Variants in MYO16 observed in about 807,000 individuals in gnomAD.
MYO16 encodes the protein myosin XVI, also known as unconventional myosin-XVI.
MYO16 carries 94 observed loss-of-function variants against 205.3 expected under a neutral mutation model. The ratio of observed to expected loss-of-function variants is 0.46; its 90% CI spans 0.39 to 0.54. The LOEUF (loss-of-function observed/expected upper bound fraction) is 0.54, where lower values mean the gene tolerates loss of function less well. MYO16 is among the 20% of genes least tolerant of loss of function. The pLI, the probability that MYO16 is intolerant of heterozygous loss-of-function variation, is 0.00. For synonymous variants in MYO16, 988 were observed against 954.0 expected (o/e 1.04, Z -0.66); for missense variants, 2,315 against 2,387.5 (o/e 0.97, Z 0.63).
chr13:108,617,863 TTG>T (rs1555332453), intron 1 of MYO16, among the ~76,000 whole-genome samples: 1 of 152,076 alleles, frequency 6.6e-6, no homozygotes, highest in Non-Finnish European at 1.5e-5. Flanking sequence ...AGATAATCGA[TTG>T]TCTTTCCCTT....
At chr13:108,947,543 G>A (rs1882984835) in intron 16 of MYO16, among the ~76,000 whole-genome samples, 1 of 152,182 alleles carries the variant, frequency 6.6e-6, no homozygotes, top group Non-Finnish European at 1.5e-5. Flanking sequence ...TTCACTCACT[G>A]AAATATCAGC....
At chr13:109,010,533 CT>C (rs1310191669) in intron 22 of MYO16, among the ~76,000 whole-genome samples, 17 of 152,254 alleles carry the variant, frequency 1.1e-4, no homozygotes, top group South Asian at 2.1e-4. Flanking sequence ...CTCCTTTATA[CT>C]GATTTGGGGC....
intron 4 of MYO16, among the ~76,000 whole-genome samples, chr13:108,782,706 G>A (rs1435849034): frequency 6.6e-6 from 1 of 152,118 alleles, no homozygotes; most frequent in Non-Finnish European, 1.5e-5. Flanking sequence ...TCCCCGTGCT[G>A]TTTGCAGCCT....
chr13:109,176,821 C>T (rs1362012712), intron 33 of MYO16, among the ~76,000 whole-genome samples: 1 of 151,844 alleles, frequency 6.6e-6, no homozygotes, highest in African/African-American at 2.4e-5. Context: ...TCCCCGCTGT[C>T]CTCACCTGGC....
chr13:109,065,389 C>A (rs1887713802), intron 27 of MYO16, among the ~76,000 whole-genome samples: 1 of 151,972 alleles, frequency 6.6e-6, no homozygotes, highest in South Asian at 2.1e-4. Flanking sequence ...CCTTCCACAG[C>A]CATGTCTATA....
intron 4 of MYO16, among the ~76,000 whole-genome samples, chr13:108,733,729 G>A (rs1884598846): frequency 6.6e-6 from 1 of 152,194 alleles, no homozygotes. Context: ...TTGGGAGGCC[G>A]AGGTGGGCAG....
chr13:108,833,878 C>T (rs1334050048), intron 9 of MYO16, among the ~76,000 whole-genome samples: 1 of 151,970 alleles, frequency 6.6e-6, no homozygotes, highest in East Asian at 1.9e-4. Context: ...TTGGATGGTA[C>T]TGATTTTCTT....
chr13:109,128,403 G>A (rs922144170), intron 31 of MYO16, among the ~76,000 whole-genome samples: 1 of 151,992 alleles, frequency 6.6e-6, no homozygotes, highest in Non-Finnish European at 1.5e-5. Context: ...GAAACGGCTG[G>A]GTAGAACTCG....
chr13:108,591,960 G>T (rs923717964), upstream of MYO16, among the ~76,000 whole-genome samples: 9 of 151,550 alleles, frequency 5.9e-5, no homozygotes, highest in Admixed American at 4.6e-4. Flanking sequence ...GCCAATATTT[G>T]CACTCTATGA....
intron 23 of MYO16, among the ~76,000 whole-genome samples, chr13:109,046,596 A>C (rs925956011): frequency 2.0e-5 from 3 of 152,238 alleles, no homozygotes; most frequent in African/African-American, 7.2e-5. Flanking sequence ...TACTTGGTTT[A>C]GTGAGTTTTC....
chr13:108,801,914 T>A (rs1233617457), intron 6 of MYO16, among the ~76,000 whole-genome samples: 1 of 152,234 alleles, frequency 6.6e-6, no homozygotes, highest in Non-Finnish European at 1.5e-5. Context: ...TGTATTTGAA[T>A]AAAATAAATT....
At chr13:108,767,899 A>C (rs1408159386) in intron 4 of MYO16, among the ~76,000 whole-genome samples, 4 of 152,140 alleles carry the variant, frequency 2.6e-5, no homozygotes, top group Non-Finnish European at 5.9e-5. Context: ...TTCCCTTACC[A>C]CTGTTTTATT....
At chr13:108,613,428 T>G (rs1190278425) in intron 1 of MYO16, among the ~76,000 whole-genome samples, 1 of 152,156 alleles carries the variant, frequency 6.6e-6, no homozygotes, top group African/African-American at 2.4e-5. Context: ...GTTATGTTCA[T>G]GGAAGTTATC....
At chr13:108,879,110 C>T (rs979583010) in intron 12 of MYO16, among the ~76,000 whole-genome samples, 3 of 152,098 alleles carry the variant, frequency 2.0e-5, no homozygotes, top group Non-Finnish European at 4.4e-5. Context: ...TCCAGAAGTC[C>T]CTTAAACATT....
chr13:109,097,420 C>A (rs774976807), intron 27 of MYO16, among the ~76,000 whole-genome samples: 3 of 152,126 alleles, frequency 2.0e-5, no homozygotes, highest in Non-Finnish European at 2.9e-5. Flanking sequence ...ACAGCTTACT[C>A]CCGGTTCCCA....
At chr13:108,905,546 A>G (rs1880927439) in intron 15 of MYO16, among the ~76,000 whole-genome samples, 2 of 152,248 alleles carry the variant, frequency 1.3e-5, no homozygotes, top group South Asian at 2.1e-4. Context: ...TATCCAAGGT[A>G]AATCTTAGCT....
chr13:108,726,565 A>T (rs1884345426), intron 3 of MYO16, among the ~76,000 whole-genome samples: 1 of 124,844 alleles, frequency 8.0e-6, no homozygotes, highest in Admixed American at 7.9e-5. Flanking sequence ...TTCAAAAAAA[A>T]AAAAAAAGAA....
At chr13:108,962,993 A>G (rs939585351) in intron 19 of MYO16, among the ~76,000 whole-genome samples, 18 of 152,252 alleles carry the variant, frequency 1.2e-4, no homozygotes, top group Admixed American at 3.3e-4. Flanking sequence ...CTAAAATTCA[A>G]ATAAGTTAAA....
chr13:109,140,346 C>T lies in MYO16; in HGVS notation c.4134C>T (p.Asn1378=). The T allele has an allele frequency of 6.2e-7, 1 of 1,603,488 alleles. No individual in the cohort carries two copies. The highest frequency in any genetic ancestry group is 1.1e-5 in the South Asian group (1 of 91,076). ...CTCGAAAGCCCAAGCGCAGCCCCAA[C>T]ACCAAGCTCAGCGGCTCCTACGAGG... ...IPPRKPKRSP[N]TKLSGSYEEI... The change falls in exon 32 of 35, where the codon AAC becomes AAT. Residue 1378 remains asparagine, a synonymous_variant. Transcript: ENST00000457511. The surrounding 1 kb of genome is among the most constrained non-coding windows in gnomAD (Gnocchi z 8.0).
Sources: gnomAD v4.1 joint callset for allele counts (sites outside exome capture counted in the v4.1 genomes callset) on GRCh38, gnomAD v4.1.1 for gene constraint, Gnocchi (gnomAD v3.1) non-coding constraint, MANE v1.5 for transcripts, NCBI Gene and HGNC (gene_info 2026-07-23, HGNC 2026-07-21) for gene names.